The following TCN2 variants were observed in gnomAD, a reference collection of about 807,000 sequenced individuals.
The protein encoded by TCN2 is transcobalamin 2.
In TCN2, 34 loss-of-function variants were observed where a neutral mutation model predicts 48.6. The observed-to-expected ratio is 0.70, with a 90% confidence interval of 0.53 to 0.93. The LOEUF (loss-of-function observed/expected upper bound fraction) is 0.93, where lower values mean the gene tolerates loss of function less well. TCN2 is among the 40% of genes least tolerant of loss of function. TCN2 has a pLI of 0.00. For missense variants in TCN2, 652 were observed against 526.1 expected, an observed-to-expected ratio of 1.24 and a Z score of -2.34; for synonymous variants, 283 against 212.5, an observed-to-expected ratio of 1.33 and a Z score of -2.89.
At chr22:30,621,824 G>A (rs940145059) in intron 7 of TCN2, among the ~76,000 whole-genome samples, 5 of 152,126 alleles carry the variant, frequency 3.3e-5, no homozygotes, top group Non-Finnish European at 7.4e-5. Context: ...CAAATTCTGT[G>A]CACCTGTGTG....
chr22:30,609,501 C>T (rs1440140642), intron 1 of TCN2, among the ~76,000 whole-genome samples: 1 of 152,022 alleles, frequency 6.6e-6, no homozygotes, highest in East Asian at 1.9e-4. Flanking sequence ...CCTGTGCTGA[C>T]TCATCGTGCT....
At chr22:30,626,376 T>G in intron 8 of TCN2, 84 bp from the exon 9 acceptor site, 2 of 1,446,376 alleles carry the variant, frequency 1.4e-6, no homozygotes, top group South Asian at 2.3e-5. Context: ...GACTCTAGCC[T>G]CAGGGTGGGG....
chr22:30,622,095 C>T (rs1028707339), intron 7 of TCN2, among the ~76,000 whole-genome samples: 1 of 152,258 alleles, frequency 6.6e-6, no homozygotes, highest in Non-Finnish European at 1.5e-5. Context: ...TCAAGCGGTT[C>T]TCCTGCCTTA....
At chr22:30,609,540 G>GTCTGGTC (rs2087504063) in intron 1 of TCN2, among the ~76,000 whole-genome samples, 1 of 152,038 alleles carries the variant, frequency 6.6e-6, no homozygotes, top group African/African-American at 2.4e-5. Context: ...TGAGGTCAGG[G>GTCTGGTC]AACTCCCTTG....
At chr22:30,619,450 A>G (rs2145551764) in intron 7 of TCN2, among the ~76,000 whole-genome samples, 1 of 152,350 alleles carries the variant, frequency 6.6e-6, no homozygotes, top group Admixed American at 6.5e-5. Context: ...GAGGTTGGAC[A>G]ATGTCCTTAC....
At chr22:30,624,001 T>TATGTATACATATATACACAC (rs1569047112) in intron 8 of TCN2, among the ~76,000 whole-genome samples, 1 of 35,550 alleles carries the variant, frequency 2.8e-5, no homozygotes, top group Non-Finnish European at 5.2e-5. Flanking sequence ...TACACACATA[T>TATGTATACATATATACACAC]ATATGTATAC....
At position 30,614,411 on chromosome 22, in the gene TCN2, C is replaced by T. The variant is rs754253807; in HGVS notation, c.490C>T (p.Leu164=). Residue 164 remains leucine, a synonymous_variant, in exon 4 of 9, where the codon CTG becomes TTG. Coordinates refer to ENST00000215838, the MANE Select transcript of TCN2 (RefSeq NM_000355.4). ...CCAGTATGGCCTGGGCATTCTGGCC[C>T]TGTGTCTCCACCAGAAGCGGGTCCA... The part of the protein sequence containing the change: ...YYQYGLGILA[L]CLHQKRVHDS... 11 of 1,614,180 alleles carry T rather than the reference C, an allele frequency of 6.8e-6. No homozygotes were observed. The highest frequency in any genetic ancestry group is 5.0e-5 in the Admixed American group (3 of 60,018).
intron 8 of TCN2, among the ~76,000 whole-genome samples, chr22:30,624,052 A>G (rs1281505932): frequency 1.8e-5 from 1 of 56,114 alleles, no homozygotes. Flanking sequence ...ATACACACAC[A>G]CACACACACA....
chr22:30,615,289 C>T lies in TCN2; in HGVS notation c.581-12C>T. The T allele has an allele frequency of 6.2e-7, 1 of 1,614,128 alleles. No homozygotes were observed. The highest frequency in any genetic ancestry group is 8.5e-7 in the Non-Finnish European group (1 of 1,180,020). On this transcript the variant is annotated splice_polypyrimidine_tract_variant and intron_variant, in intron 4 of 8. Transcript: ENST00000215838. ...TCTCCAGCTCATTGCATGTTCTGTC[C>T]CCCACTTCAAGACACAGCAGCCATG...
At chr22:30,614,644 G>A in intron 4 of TCN2, 143 bp downstream of exon 4, 1 of 1,245,814 alleles carries the variant, frequency 8.0e-7, no homozygotes, top group Non-Finnish European at 1.1e-6. Context: ...GAATTGGCGA[G>A]GGCTCATGGG....
intron 1 of TCN2, among the ~76,000 whole-genome samples, chr22:30,607,620 G>A (rs114108004): frequency 0.011 from 1,659 of 152,240 alleles, 23 homozygotes; most frequent in African/African-American, 0.036. Flanking sequence ...TTCATTCAGC[G>A]CATACTGAGC....
intron 2 of TCN2, 56 bp downstream of exon 2, chr22:30,611,119 C>G: frequency 6.2e-7 from 1 of 1,610,938 alleles, no homozygotes; most frequent in South Asian, 1.1e-5. Context: ...AGATGGGAAA[C>G]TTGGGTACTA....
Position 30,622,995 on chromosome 22 carries a change from C to T in TCN2, c.1134C>T (p.Gly378=), listed in dbSNP as rs770846588. 4 of 1,613,992 alleles carry T rather than the reference C, an allele frequency of 2.5e-6. No individual in the cohort carries two copies. The African/African-American group carries it at 4.0e-5, about 16-fold the overall frequency. Residue 378 remains glycine, a synonymous_variant, in exon 8 of 9, where the codon GGC becomes GGT. Coordinates refer to ENST00000215838, the MANE Select transcript of TCN2 (RefSeq NM_000355.4). ...ATGAAACACAGGCCTCCTTGTCAGG[C>T]CCCTACTTAACCTCCGTGATGGGGA... ...FTYETQASLS[G]PYLTSVMGKA...
chr22:30,624,796 G>A (rs1401686321), intron 8 of TCN2, among the ~76,000 whole-genome samples: 1 of 152,182 alleles, frequency 6.6e-6, no homozygotes, highest in African/African-American at 2.4e-5. Context: ...AAATCAACCA[G>A]TTGCATAAAT....
chr22:30,615,542 A>G, intron 5 of TCN2, 59 bp from the exon 6 acceptor site: 2 of 1,613,824 alleles, frequency 1.2e-6, no homozygotes, highest in Non-Finnish European at 1.7e-6. Flanking sequence ...CAGGTGCTGG[A>G]ACACCTAGCC....
chr22:30,615,923 C>G (rs1000712733), intron 6 of TCN2, 136 bp downstream of exon 6: 10 of 1,005,768 alleles, frequency 9.9e-6, no homozygotes, highest in Non-Finnish European at 1.4e-5. Flanking sequence ...ACACAGCAGC[C>G]AAAATGTGGT....
At chr22:30,611,494 T>C (rs2087540807) in intron 2 of TCN2, among the ~76,000 whole-genome samples, 1 of 152,184 alleles carries the variant, frequency 6.6e-6, no homozygotes, top group African/African-American at 2.4e-5. Flanking sequence ...ACCGCATTCT[T>C]TCATACTGAG....
chr22:30,620,095 G>A (rs9609019), intron 7 of TCN2, among the ~76,000 whole-genome samples: 14,727 of 152,092 alleles, frequency 0.097, 1,782 homozygotes, highest in African/African-American at 0.29. Context: ...AGTTCAAGGC[G>A]GCAGCAAGCT....
At chr22:30,611,992 T>C (rs1318196289) in intron 2 of TCN2, among the ~76,000 whole-genome samples, 1 of 151,826 alleles carries the variant, frequency 6.6e-6, no homozygotes, top group Non-Finnish European at 1.5e-5. Flanking sequence ...ATCCCAACAT[T>C]TTGGGAGGCT....
Sources: gnomAD v4.1 joint callset for allele counts (sites outside exome capture counted in the v4.1 genomes callset) on GRCh38, gnomAD v4.1.1 for gene constraint, MANE v1.5 for transcripts, NCBI Gene and HGNC (gene_info 2026-07-23, HGNC 2026-07-21) for gene names.